LRGUK: variants seen among roughly 807,000 people sequenced by gnomAD.
LRGUK encodes the protein leucine rich repeats and guanylate kinase domain containing.
Under a neutral mutation model 76.0 loss-of-function variants are expected in LRGUK, and 65 were observed. That is an observed-to-expected ratio of 0.85 (90% CI 0.70 to 1.05). The LOEUF is 1.05. LRGUK is among the 50% of genes least tolerant of loss of function. The pLI, the probability that LRGUK is intolerant of heterozygous loss-of-function variation, is 0.00. For synonymous variants in LRGUK, 268 were observed against 265.6 expected, an observed-to-expected ratio of 1.01 and a Z score of -0.09; for missense variants, 758 against 732.8, an observed-to-expected ratio of 1.03 and a Z score of -0.40.
downstream of LRGUK, among the ~76,000 whole-genome samples, chr7:134,266,578 C>G (rs150119954): frequency 3.3e-3 from 500 of 152,128 alleles, 3 homozygotes; most frequent in African/African-American, 0.011. Flanking sequence ...AACCTTAAGA[C>G]AGAAGAATTG....
At chr7:134,210,709 G>A (rs551620262), downstream of LRGUK, among the ~76,000 whole-genome samples, 18 of 152,306 alleles carry the variant, frequency 1.2e-4, no homozygotes, top group South Asian at 2.7e-3. Context: ...CCCCAGAGCA[G>A]GACAGTGAGC....
intron 18 of LRGUK, among the ~76,000 whole-genome samples, chr7:134,250,703 G>A (rs1430290267): frequency 1.3e-5 from 2 of 152,140 alleles, no homozygotes; most frequent in Non-Finnish European, 2.9e-5. Flanking sequence ...ATTATAATTA[G>A]TTAATTAGCT....
chr7:134,238,169 G>A (rs1802057740), intron 16 of LRGUK, among the ~76,000 whole-genome samples: 1 of 151,916 alleles, frequency 6.6e-6, no homozygotes, highest in South Asian at 2.1e-4. Flanking sequence ...TAGACCATAG[G>A]TCAACACTGC....
At chr7:134,194,782 G>T (rs1484521475) in intron 12 of LRGUK, among the ~76,000 whole-genome samples, 1 of 152,118 alleles carries the variant, frequency 6.6e-6, no homozygotes, top group Non-Finnish European at 1.5e-5. Context: ...GCACACATGG[G>T]TTATAGGGAC....
chr7:134,217,659 C>G (rs1239595463), intron 15 of LRGUK, among the ~76,000 whole-genome samples: 1 of 152,036 alleles, frequency 6.6e-6, no homozygotes, highest in Non-Finnish European at 1.5e-5. Context: ...AGAAAAATAG[C>G]TTATTTTGCC....
chr7:134,218,531 T>C (rs1801496165), intron 15 of LRGUK, among the ~76,000 whole-genome samples: 1 of 152,220 alleles, frequency 6.6e-6, no homozygotes, highest in Non-Finnish European at 1.5e-5. Flanking sequence ...GATTTTTGTT[T>C]TTCAAAATAT....
rs757958846 is a variant in LRGUK, at chr7:134,174,105, C to T, written c.940-451C>T. 7.8e-5 allele frequency among the ~76,000 whole-genome samples: 9 copies of T among 115,944 alleles called. No individual in the cohort carries two copies. The East Asian group carries it at 8.8e-4, about 11-fold the overall frequency. The allele number at this position is 115,944 out of a possible 152,430, so 76.1% of individuals were successfully genotyped here. ...GCCTGGTGACAGAGCGAGACTCCAT[C>T]GCAAAAAAAAAAAAAAAGGCTTTAA... is the stretch of plus-strand genomic sequence containing the variant. On this transcript the variant is annotated intron_variant, in intron 7 of 15. Coordinates refer to ENST00000645682, the Ensembl canonical transcript of LRGUK.
At chr7:134,142,431 C>G (rs942218282) in intron 3 of LRGUK, among the ~76,000 whole-genome samples, 1 of 152,144 alleles carries the variant, frequency 6.6e-6, no homozygotes, top group Admixed American at 6.5e-5. Context: ...CACAGTAGTT[C>G]TTTACTTAGT....
intron 4 of LRGUK, among the ~76,000 whole-genome samples, chr7:134,146,109 A>G (rs1797958686): frequency 1.3e-5 from 2 of 152,098 alleles, no homozygotes; most frequent in African/African-American, 4.8e-5. Context: ...CCCTGCCTCA[A>G]CTAGAAATAC....
chr7:134,132,402 G>C (rs1271109265), intron 1 of LRGUK, among the ~76,000 whole-genome samples: 4 of 152,052 alleles, frequency 2.6e-5, no homozygotes, highest in African/African-American at 9.7e-5. Flanking sequence ...GCTACAAATA[G>C]GTTAAGTGGG....
intron 10 of LRGUK, among the ~76,000 whole-genome samples, chr7:134,179,398 T>C (rs1799642003): frequency 6.6e-6 from 1 of 152,218 alleles, no homozygotes; most frequent in Non-Finnish European, 1.5e-5. Flanking sequence ...CTCTTCTTCA[T>C]GTGGTATTTG....
In LRGUK at chr7:134,246,022, G is replaced by A. The variant is rs555905228; in HGVS notation, c.1984-1534G>A. Among the ~76,000 whole-genome samples the A allele has an allele frequency of 3.3e-5, 5 of 152,152 alleles. No homozygotes were observed. In the East Asian group the frequency reaches 9.6e-4, roughly 29 times the overall value. ...GTTTACATAGAAACACAGAGCTCAG[G>A]GAAAAAGTAAAATGATTTTGGTAAT... is the stretch of plus-strand genomic sequence containing the variant. On this transcript the variant is annotated intron_variant, in intron 16 of 19. Coordinates refer to the LRGUK transcript ENST00000285928.
chr7:134,160,698 G>A (rs1053530499), intron 6 of LRGUK, among the ~76,000 whole-genome samples: 4 of 152,214 alleles, frequency 2.6e-5, no homozygotes, highest in African/African-American at 9.6e-5. Context: ...TAATGACAAT[G>A]CATTCCAAAC....
chr7:134,183,073 T>G (rs1799825228), intron 10 of LRGUK, among the ~76,000 whole-genome samples: 1 of 152,220 alleles, frequency 6.6e-6, no homozygotes, highest in Admixed American at 6.5e-5. Context: ...ATTTTATTAA[T>G]CAATTCATTC....
chr7:134,223,003 CTT>C (rs1214491295), intron 16 of LRGUK, among the ~76,000 whole-genome samples: 2 of 152,164 alleles, frequency 1.3e-5, no homozygotes, highest in African/African-American at 2.4e-5. Context: ...GGCAAAAAGT[CTT>C]AGGCTGGGGC....
At position 134,158,087 on chromosome 7, in the gene LRGUK, C is replaced by T. The variant is rs780567716; in HGVS notation, c.723C>T (p.His241=). 7.4e-6 allele frequency: 12 copies of T among 1,612,574 alleles called. No homozygotes were observed. The Admixed American group carries it at 1.7e-4, about 22-fold the overall frequency. ...TAGAGATGTGCAACAACCTAATTCACCTTAGTTTGGCCAACAATAAGATCA... is the reference window on the plus strand; with the variant it reads ...TAGAGATGTGCAACAACCTAATTCATCTTAGTTTGGCCAACAATAAGATCA... The change falls in exon 6 of 16, where the codon CAC becomes CAT. Residue 241 remains histidine (H), a synonymous_variant. Transcript: ENST00000645682.
At chr7:134,258,695 CA>C (rs201252976) in intron 19 of LRGUK, among the ~76,000 whole-genome samples, 45 of 134,132 alleles carry the variant, frequency 3.4e-4, no homozygotes, top group Admixed American at 5.2e-4. Flanking sequence ...AACTCCGTCT[CA>C]AAAAAAAAAA....
intron 4 of LRGUK, among the ~76,000 whole-genome samples, chr7:134,147,042 G>C (rs74499960): frequency 1.1e-5 from 1 of 90,304 alleles, no homozygotes; most frequent in East Asian, 2.9e-4. Flanking sequence ...AACAACAGAA[G>C]TTGCTGAAAA....
intron 8 of LRGUK, among the ~76,000 whole-genome samples, chr7:134,175,560 C>T (rs1189387212): frequency 1.3e-5 from 2 of 152,110 alleles, no homozygotes; most frequent in Admixed American, 6.5e-5. Flanking sequence ...CATCACAAGC[C>T]GTTTGACACA....
Sources: allele counts gnomAD v4.1 joint callset (sites outside exome capture counted in the v4.1 genomes callset), GRCh38; gene constraint gnomAD v4.1.1; transcripts MANE v1.5; gene names NCBI Gene and HGNC (gene_info 2026-07-23, HGNC 2026-07-21).